Variants in PHACTR3 observed in about 807,000 individuals in gnomAD.
PHACTR3 encodes the protein phosphatase and actin regulator 3, also known as protein phosphatase 1, regulatory subunit 123.
In PHACTR3, 16 loss-of-function variants were observed where a neutral mutation model predicts 66.8. The ratio of observed to expected loss-of-function variants is 0.24; its 90% CI spans 0.16 to 0.36. PHACTR3 has a LOEUF of 0.36. Ranked by LOEUF, PHACTR3 falls within the 10% of genes least tolerant of loss-of-function variation. The pLI, the probability that PHACTR3 is intolerant of heterozygous loss-of-function variation, is 1.00. For synonymous variants in PHACTR3, 323 were observed against 292.1 expected, an observed-to-expected ratio of 1.11 and a Z score of -1.08; for missense variants, 647 against 719.9, an observed-to-expected ratio of 0.90 and a Z score of 1.16.
chr20:59,690,450 C>G (rs562766929), intron 1 of PHACTR3, among the ~76,000 whole-genome samples: 1 of 152,352 alleles, frequency 6.6e-6, no homozygotes, highest in African/African-American at 2.4e-5. Context: ...TCTCTCTTCC[C>G]CTACTGGATT....
chr20:59,825,426 GTTCATTCACTCA>G (rs1568859847), intron 8 of PHACTR3, among the ~76,000 whole-genome samples: 1 of 152,004 alleles, frequency 6.6e-6, no homozygotes, highest in African/African-American at 2.4e-5. Flanking sequence ...TCATTCACTC[GTTCATTCACTCA>G]TTCACTCATT....
intron 4 of PHACTR3, among the ~76,000 whole-genome samples, chr20:59,763,569 A>G (rs778150597): frequency 1.3e-5 from 2 of 152,250 alleles, no homozygotes; most frequent in Admixed American, 1.3e-4. Context: ...TGGCCTCCAG[A>G]TGGAGATGCC....
At position 59,589,468 on chromosome 20, in the gene PHACTR3, G is replaced by C. The variant is rs571440578; in HGVS notation, c.109+11851G>C. On this transcript the variant is annotated intron_variant, in intron 1 of 12. Transcript: ENST00000359926. ...TCATTGCTACGGCTGCAGAACGTAA[G>C]ATCTATTTTTAAAGCACTACCTATA... 2.6e-5 allele frequency among the ~76,000 whole-genome samples: 4 copies of C among 152,292 alleles called. 1 individual carries two copies. The South Asian group carries it at 8.3e-4, about 32-fold the overall frequency.
At chr20:59,766,042 G>A (rs1466473954) in intron 4 of PHACTR3, among the ~76,000 whole-genome samples, 1 of 152,212 alleles carries the variant, frequency 6.6e-6, no homozygotes, top group South Asian at 2.1e-4. Context: ...TGGATCAGAG[G>A]GAAGGAAGAA....
At chr20:59,747,934 A>C in intron 3 of PHACTR3, 99 bp downstream of exon 3, 1 of 1,284,954 alleles carries the variant, frequency 7.8e-7, no homozygotes, top group Non-Finnish European at 1.1e-6. Flanking sequence ...AACAGTGTAG[A>C]ATCCAAGGAG....
rs950553899 is a variant in PHACTR3 at position 59,762,381 on chromosome 20, C to T, written c.542-4805C>T. Among the ~76,000 whole-genome samples the T allele has an allele frequency of 2.6e-5, 4 of 152,350 alleles. No individual in the cohort carries two copies. The Middle Eastern group carries it at 0.014, about 518-fold the overall frequency. On this transcript the variant is annotated intron_variant, in intron 4 of 12. Coordinates refer to ENST00000371015, the MANE Select transcript of PHACTR3 (RefSeq NM_080672.5). ...CTCAGTCCTGGGAAATCCAGAGCTCCCCTGTCCAGTGCAGTAGCCACTAGC... is the reference window on the plus strand; with the variant it reads ...CTCAGTCCTGGGAAATCCAGAGCTCTCCTGTCCAGTGCAGTAGCCACTAGC...
At chr20:59,674,362 TCC>T (rs1568696431) in intron 1 of PHACTR3, among the ~76,000 whole-genome samples, 11 of 114,080 alleles carry the variant, frequency 9.6e-5, no homozygotes, top group African/African-American at 4.4e-4. Context: ...TCTGCCCTCT[TCC>T]CCTTCTCCTG....
chr20:59,688,524 C>T (rs914026441), intron 1 of PHACTR3, among the ~76,000 whole-genome samples: 6 of 152,164 alleles, frequency 3.9e-5, no homozygotes, highest in African/African-American at 1.4e-4. Context: ...TCATGTTTCT[C>T]TCTTCACTGG....
At chr20:59,757,543 G>C (rs816258) in intron 4 of PHACTR3, among the ~76,000 whole-genome samples, 104,561 of 151,762 alleles carry the variant, frequency 0.69, 36,992 homozygotes, top group Non-Finnish European at 0.77. Flanking sequence ...GAAAGAGCAT[G>C]AGCTCTGCAG....
intron 1 of PHACTR3, among the ~76,000 whole-genome samples, chr20:59,658,270 T>C (rs551041324): frequency 6.6e-6 from 1 of 152,274 alleles, no homozygotes; most frequent in East Asian, 1.9e-4. Context: ...TAATAGTTAC[T>C]TTGAAATCTT....
rs146740587 is a variant in PHACTR3, at chr20:59,616,396, A to G, written c.118+11264A>G. Among the ~76,000 whole-genome samples the G allele has an allele frequency of 2.2e-3, 334 of 152,296 alleles. 1 individual carries two copies. The highest frequency in any genetic ancestry group is 0.014 in the Middle Eastern group (4 of 294). ...CCCTTGTCTTCCTTTGGGCCTCAAG[A>G]TGCAGGAGGGAGGGCTTTCCTGGTC... On this transcript the variant is annotated intron_variant, in intron 1 of 12. Transcript: ENST00000371015.
At chr20:59,733,641 A>G (rs1049834326) in intron 1 of PHACTR3, among the ~76,000 whole-genome samples, 1 of 152,166 alleles carries the variant, frequency 6.6e-6, no homozygotes, top group African/African-American at 2.4e-5. Flanking sequence ...GGTTAAGATC[A>G]GGGCTTTTAC....
Position 59,788,951 on chromosome 20 carries a change from G to A in PHACTR3, c.1174+14461G>A, listed in dbSNP as rs796566251. 4.6e-5 allele frequency among the ~76,000 whole-genome samples: 7 copies of A among 152,340 alleles called. No individual in the cohort carries two copies. The South Asian group carries it at 6.2e-4, about 14-fold the overall frequency. On this transcript the variant is annotated intron_variant, in intron 7 of 12. Transcript: ENST00000371015. ...CTCAAGACCCCCAGAGTCTGGTGTC[G>A]GCATCTATAACAGTGTCACTGTTGT... is the stretch of plus-strand genomic sequence containing the variant.
At chr20:59,845,879 G>A (rs2059138480) in intron 12 of PHACTR3, among the ~76,000 whole-genome samples, 1 of 152,160 alleles carries the variant, frequency 6.6e-6, no homozygotes, top group South Asian at 2.1e-4. Context: ...TATATTCTCT[G>A]TCTATGCTAT....
chr20:59,779,057 G>T (rs1164870332), intron 7 of PHACTR3, among the ~76,000 whole-genome samples: 1 of 152,208 alleles, frequency 6.6e-6, no homozygotes, highest in Non-Finnish European at 1.5e-5. Flanking sequence ...GTGGGCCAAG[G>T]TCAGGATTCC....
chr20:59,747,470 A>C (rs1236405356), intron 2 of PHACTR3, among the ~76,000 whole-genome samples: 1 of 152,234 alleles, frequency 6.6e-6, no homozygotes, highest in African/African-American at 2.4e-5. Flanking sequence ...GAGCTAGCTT[A>C]GAGAGGGGCG....
chr20:59,760,045 C>A lies in PHACTR3; in HGVS notation c.541+4681C>A, dbSNP rs1214451082. Among the ~76,000 whole-genome samples, 3 of 152,038 alleles carry A rather than the reference C, an allele frequency of 2.0e-5. No homozygotes were observed. The South Asian group carries it at 6.2e-4, about 32-fold the overall frequency. On this transcript the variant is annotated intron_variant, in intron 4 of 12. Coordinates refer to ENST00000371015, the MANE Select transcript of PHACTR3 (RefSeq NM_080672.5). ...CAGCTGCTTTCTCTTAAAAAGCAAA[C>A]CTCCCATGAGCTTTGCTGGGGGTCG...
chr20:59,750,375 C>T (rs2039534796), intron 3 of PHACTR3, among the ~76,000 whole-genome samples: 1 of 152,072 alleles, frequency 6.6e-6, no homozygotes, highest in South Asian at 2.1e-4. Flanking sequence ...GGCGTGGGAC[C>T]CAGGCAGCAG....
chr20:59,813,524 T>G lies in PHACTR3; in HGVS notation c.1328+7330T>G, dbSNP rs1239441848. On this transcript the variant is annotated intron_variant, in intron 8 of 12. Transcript: ENST00000371015. ...ATTTCGAATTCATGTAGCGTGCACGTGCTAGGCGCTGGGGTGCAGAGATGA... is the reference window on the plus strand; with the variant it reads ...ATTTCGAATTCATGTAGCGTGCACGGGCTAGGCGCTGGGGTGCAGAGATGA... Among the ~76,000 whole-genome samples, 4 of 152,284 alleles carry G rather than the reference T, an allele frequency of 2.6e-5. No homozygotes were observed. The East Asian group carries it at 7.7e-4, about 29-fold the overall frequency.
Sources: allele counts gnomAD v4.1 joint callset (sites outside exome capture counted in the v4.1 genomes callset), GRCh38; gene constraint gnomAD v4.1.1; transcripts MANE v1.5; gene names NCBI Gene and HGNC (gene_info 2026-07-23, HGNC 2026-07-21).